RNF10: variants seen among roughly 807,000 people sequenced by gnomAD.
The protein encoded by RNF10 is ring finger protein 10, also known as E3 ubiquitin-protein ligase RNF10.
Under a neutral mutation model 91.4 loss-of-function variants are expected in RNF10, and 38 were observed. The ratio of observed to expected loss-of-function variants is 0.42; its 90% CI spans 0.32 to 0.54. The LOEUF is 0.54. RNF10 is among the 20% of genes least tolerant of loss of function. The pLI, the probability that RNF10 is intolerant of heterozygous loss-of-function variation, is 0.16. For synonymous variants in RNF10, 364 were observed against 366.3 expected (o/e 0.99, Z 0.07); for missense variants, 945 against 1,012.0 (o/e 0.93, Z 0.90).
intron 10 of RNF10, among the ~76,000 whole-genome samples, chr12:120,564,151 C>G (rs1016179260): frequency 6.6e-6 from 1 of 152,116 alleles, no homozygotes; most frequent in African/African-American, 2.4e-5. Context: ...TAATGCTGTT[C>G]CCTGCTTCTC....
intron 1 of RNF10, among the ~76,000 whole-genome samples, chr12:120,540,753 T>G (rs1871425673): frequency 6.6e-6 from 1 of 152,250 alleles, no homozygotes; most frequent in African/African-American, 2.4e-5. Flanking sequence ...TACTGTCTTA[T>G]CAGTGAGCAT....
intron 1 of RNF10, 128 bp downstream of exon 1, chr12:120,535,096 C>G: frequency 2.9e-6 from 3 of 1,024,756 alleles, no homozygotes; most frequent in Non-Finnish European, 4.1e-6. Context: ...CTGCCCTTTT[C>G]CATGGCTCTC....
chr12:120,553,250 ATTT>A, intron 3 of RNF10, among the ~76,000 whole-genome samples: 1 of 148,290 alleles, frequency 6.7e-6, no homozygotes, highest in African/African-American at 2.5e-5. Context: ...CCCCCGTCTA[ATTT>A]TTTTATTTTT....
At position 120,576,596 on chromosome 12, in the gene RNF10, A is replaced by G. The variant is rs1174033825; in HGVS notation, c.2366A>G (p.Lys789Arg). 4 of 1,613,842 alleles carry G rather than the reference A, an allele frequency of 2.5e-6. No homozygotes were observed. The highest frequency in any genetic ancestry group is 3.4e-6 in the Non-Finnish European group (4 of 1,179,904). The change falls in exon 17 of 17, where the codon AAA becomes AGA. Residue 789 changes from lysine to arginine, a missense_variant. Physicochemically the swap from Lys to Arg is conservative, Grantham distance 26 (BLOSUM62 2). Transcript: ENST00000325954. ...PATSDPLSEE[K>R]GGKKRKKQKQ... ...TTTCTGTGTCTCCCTTTAGAAGAGA[A>G]AGGAGGAAAGAAAAGAAAAAAACAG...
chr12:120,572,844 A>G (rs1054088094), intron 14 of RNF10, among the ~76,000 whole-genome samples: 11 of 138,414 alleles, frequency 7.9e-5, no homozygotes, highest in African/African-American at 2.5e-4. Context: ...CAGGCGATCC[A>G]CCTGCCTCAG....
At chr12:120,551,290 G>GTTTTTTT (rs63002361) in intron 2 of RNF10, among the ~76,000 whole-genome samples, 5 of 83,202 alleles carry the variant, frequency 6.0e-5, no homozygotes, top group Non-Finnish European at 6.5e-5. Context: ...CCATCCTAGT[G>GTTTTTTT]TTTTTTTTTT....
chr12:120,544,549 C>T (rs906804180), intron 1 of RNF10, among the ~76,000 whole-genome samples: 2 of 151,928 alleles, frequency 1.3e-5, no homozygotes, highest in African/African-American at 4.8e-5. Context: ...CTCAGCTGCT[C>T]AGGAGGCTGA....
At position 120,562,951 on chromosome 12, in the gene RNF10, G is replaced by C; in HGVS notation, c.1135G>C (p.Glu379Gln). 1 of 1,614,016 alleles carries C rather than the reference G, an allele frequency of 6.2e-7. No individual in the cohort carries two copies. Among genetic ancestry groups the C allele is most frequent in the South Asian group, 1.1e-5 (1 of 91,066 alleles). The change falls in exon 8 of 17, where the codon GAA (glutamate) becomes CAA (glutamine). Residue 379 changes from glutamate to glutamine, a missense_variant. Physicochemically the swap from Glu to Gln is conservative, Grantham distance 29 (BLOSUM62 2). Transcript: ENST00000325954. ...EAAIQELKTR[E>Q]EALSGLAGSR... ...TTCTCTCTGGCCACGTTAGACTCGG[G>C]AAGAGGCTCTGTCGGGATTGGCCGG...
Position 120,575,818 on chromosome 12 carries a change from C to T in RNF10, c.2227C>T (p.Pro743Ser), listed in dbSNP as rs752952458. The change falls in exon 16 of 17, where the codon CCT becomes TCT. Residue 743 changes from proline (P) to serine (S), a missense_variant. Pro to Ser is a moderately conservative substitution (Grantham distance 74). Transcript: ENST00000325954. ...TGAGAACAGCTTAGTTCCTCCTGCC[C>T]CTGTGGACAGCGACGGGGAGAGTGA... ...KDENSLVPPA[P>S]VDSDGESDNS... 3.8e-5 allele frequency: 62 copies of T among 1,614,032 alleles called. No individual in the cohort carries two copies. Among genetic ancestry groups the T allele is most frequent in the Middle Eastern group, 1.6e-4 (1 of 6,082 alleles).
intron 16 of RNF10, 78 bp downstream of exon 16, chr12:120,576,028 C>A: frequency 7.0e-7 from 1 of 1,424,362 alleles, no homozygotes; most frequent in Non-Finnish European, 9.9e-7. Context: ...GATTCAGTGG[C>A]AGACATCACT....
chr12:120,540,804 A>G (rs938614916), intron 1 of RNF10, among the ~76,000 whole-genome samples: 1 of 152,022 alleles, frequency 6.6e-6, no homozygotes, highest in African/African-American at 2.4e-5. Flanking sequence ...CCAGTGTGGT[A>G]ATAAGTGAAG....
intron 1 of RNF10, among the ~76,000 whole-genome samples, chr12:120,536,079 G>A (rs1164747043): frequency 1.3e-5 from 2 of 152,148 alleles, no homozygotes; most frequent in Admixed American, 6.6e-5. Context: ...AATATTTGAA[G>A]TCCCTAAATG....
Position 120,560,837 on chromosome 12 carries a change from A to G in RNF10, c.1079A>G (p.Lys360Arg), listed in dbSNP as rs775086175. ...CTAGAGCAGCAGCTGGCAGAGGAGA[A>G]GCACACTCCCGAGTCCTGCTTTATT... The part of the protein sequence containing the change: ...VALEQQLAEE[K>R]HTPESCFIEA... Residue 360 changes from lysine to arginine, a missense_variant, in exon 7 of 17, where the codon AAG (lysine) becomes AGG (arginine). By Grantham distance (26) the Lys-to-Arg change is conservative (BLOSUM62 2). Transcript: ENST00000325954. The G allele has an allele frequency of 1.2e-6, 2 of 1,614,186 alleles. No homozygotes were observed. The highest frequency in any genetic ancestry group is 2.2e-5 in the East Asian group (1 of 44,886).
At chr12:120,538,793 T>A (rs2137123580) in intron 1 of RNF10, among the ~76,000 whole-genome samples, 1 of 152,224 alleles carries the variant, frequency 6.6e-6, no homozygotes, top group East Asian at 1.9e-4. Flanking sequence ...GGCAGTTATT[T>A]TGAGGTTGGT....
Position 120,557,443 on chromosome 12 carries a change from T to C in RNF10, c.807T>C (p.Ser269=), listed in dbSNP as rs753555873. Reference sequence around the variant, plus strand: ...GTAAATGTCCCATCTGTTACAGTTCTGTGCATAAGAAGGATCTCAAGAGGT... The same window carrying C: ...GTAAATGTCCCATCTGTTACAGTTCCGTGCATAAGAAGGATCTCAAGAGGT... ...TWSKCPICYS[S]VHKKDLKSVV... Residue 269 remains serine (S), a synonymous_variant, in exon 5 of 17, where the codon TCT becomes TCC. Transcript: ENST00000325954. 6.2e-7 allele frequency: 1 copy of C among 1,614,204 alleles called. No homozygotes were observed. Among genetic ancestry groups the C allele is most frequent in the South Asian group, 1.1e-5 (1 of 91,086 alleles).
chr12:120,549,818 A>C (rs787833), intron 2 of RNF10, among the ~76,000 whole-genome samples: 43,908 of 152,058 alleles, frequency 0.29, 7,023 homozygotes, highest in Admixed American at 0.4. Context: ...ATAATAAATA[A>C]AAATTTAAAA....
intron 1 of RNF10, among the ~76,000 whole-genome samples, chr12:120,542,733 A>C (rs576948238): frequency 6.6e-6 from 1 of 151,632 alleles, no homozygotes; most frequent in South Asian, 2.1e-4. Context: ...TTGTATTTCT[A>C]GTAAAGATGG....
Position 120,552,484 on chromosome 12 carries a change from T to G in RNF10, c.355-15T>G. ...ATCCTAATCTGAAATACTGATTCAT[T>G]CTCATTCTCTCTAGGTAGCAGAGGC... On this transcript the variant is annotated splice_polypyrimidine_tract_variant and intron_variant, in intron 2 of 16. Transcript: ENST00000325954. The G allele has an allele frequency of 6.2e-7, 1 of 1,608,936 alleles. No individual in the cohort carries two copies. The highest frequency in any genetic ancestry group is 1.3e-5 in the African/African-American group (1 of 74,918).
intron 13 of RNF10, among the ~76,000 whole-genome samples, chr12:120,568,076 C>G (rs1190756971): frequency 6.6e-6 from 1 of 151,918 alleles, no homozygotes; most frequent in Non-Finnish European, 1.5e-5. Flanking sequence ...CAAATTTTGT[C>G]TCTACAAAAA....
Sources: gnomAD v4.1 joint callset for allele counts (sites outside exome capture counted in the v4.1 genomes callset) on GRCh38, gnomAD v4.1.1 for gene constraint, MANE v1.5 for transcripts, NCBI Gene and HGNC (gene_info 2026-07-23, HGNC 2026-07-21) for gene names.